SATB2: variants seen among roughly 807,000 people sequenced by gnomAD.
SATB2 encodes DNA-binding protein SATB2.
Under a neutral mutation model 73.4 loss-of-function variants are expected in SATB2, and 1 was observed. That is an observed-to-expected ratio of 0.01 (90% CI 0.00 to 0.06). The LOEUF (loss-of-function observed/expected upper bound fraction) is 0.06. Among genes scored for constraint, SATB2 ranks in the 10% least tolerant of loss-of-function variants. The pLI is 1.00. For synonymous variants in SATB2, 397 were observed against 367.0 expected, an observed-to-expected ratio of 1.08 and a Z score of -0.93; for missense variants, 459 against 945.8, an observed-to-expected ratio of 0.49 and a Z score of 6.75.
At chr2:199,273,288 G>A (rs1315997417) in intron 10 of SATB2, among the ~76,000 whole-genome samples, 1 of 152,126 alleles carries the variant, frequency 6.6e-6, no homozygotes, top group African/African-American at 2.4e-5. Flanking sequence ...CTGGAGGGTC[G>A]ATCTTTGCCA....
At position 199,381,918 on chromosome 2, in the gene SATB2, T is replaced by TC. The variant is rs1374127913; in HGVS notation, c.347-99dup. The TC allele has an allele frequency of 2.2e-6, 3 of 1,356,734 alleles. No homozygotes were observed. The African/African-American group carries it at 4.3e-5, about 20-fold the overall frequency. The allele number at this position is 1,356,734 out of a possible 1,614,324, so 84.0% of individuals were successfully genotyped here. On this transcript the variant is annotated intron_variant, in intron 3 of 10. Coordinates refer to ENST00000417098, the MANE Select transcript of SATB2 (RefSeq NM_001172509.2). ...TAAGAAGGTCATTCAATCATCAACA[T>TC]CCAAGGCCCACTCAGATATTTTACA... is the stretch of plus-strand genomic sequence containing the variant.
rs1263742614 is a variant in SATB2, at chr2:199,335,530, T to TG, written c.1174-6621dup. ...GTGCTACTATAAAACCTTCCTCCCATGATACAGTAAACTCCTTGGGGGCAG... is the reference window on the plus strand; with the variant it reads ...GTGCTACTATAAAACCTTCCTCCCATGGATACAGTAAACTCCTTGGGGGCAG... On this transcript the variant is annotated intron_variant, in intron 7 of 10. Transcript: ENST00000417098. 2.0e-5 allele frequency among the ~76,000 whole-genome samples: 3 copies of TG among 152,294 alleles called. No individual in the cohort carries two copies. The East Asian group carries it at 5.8e-4, about 29-fold the overall frequency.
intron 2 of SATB2, among the ~76,000 whole-genome samples, chr2:199,448,956 C>G (rs1462361603): frequency 3.9e-5 from 6 of 152,036 alleles, no homozygotes; most frequent in Admixed American, 3.9e-4. Flanking sequence ...AATATATTTC[C>G]CCAGAAGGTT....
intron 7 of SATB2, among the ~76,000 whole-genome samples, chr2:199,335,767 A>G (rs1688319649): frequency 6.6e-6 from 1 of 152,166 alleles, no homozygotes; most frequent in Non-Finnish European, 1.5e-5. Context: ...GATAACTGAA[A>G]CTGAAATTTT....
intron 3 of SATB2, among the ~76,000 whole-genome samples, chr2:199,401,310 G>A (rs1369877765): frequency 6.6e-6 from 1 of 152,094 alleles, no homozygotes; most frequent in Non-Finnish European, 1.5e-5. Flanking sequence ...CACTTTGGGA[G>A]GCCAAGGCAG....
At chr2:199,417,461 G>A (rs1443569850) in intron 3 of SATB2, among the ~76,000 whole-genome samples, 1 of 152,204 alleles carries the variant, frequency 6.6e-6, no homozygotes, top group Non-Finnish European at 1.5e-5. Flanking sequence ...AACTATTTCA[G>A]AGGAGGAATG....
intron 3 of SATB2, among the ~76,000 whole-genome samples, chr2:199,384,957 G>A (rs373903072): frequency 6.6e-6 from 1 of 152,070 alleles, no homozygotes; most frequent in Non-Finnish European, 1.5e-5. Flanking sequence ...GATTATATTA[G>A]CTTTCAGTCA....
At chr2:199,350,915 C>T (rs1474074910) in intron 6 of SATB2, among the ~76,000 whole-genome samples, 3 of 150,508 alleles carry the variant, frequency 2.0e-5, no homozygotes, top group Non-Finnish European at 4.4e-5. Context: ...CCCAGATATT[C>T]GGGACGCTGA....
At chr2:199,381,865 T>C in intron 3 of SATB2, 45 bp from the exon 4 acceptor site, 1 of 1,606,798 alleles carries the variant, frequency 6.2e-7, no homozygotes, top group Non-Finnish European at 8.5e-7. Flanking sequence ...CTGCTATTTA[T>C]TAAACCTTCC....
intron 1 of SATB2, among the ~76,000 whole-genome samples, 176 bp from the exon 2 acceptor site, chr2:199,456,272 C>CA (rs1228227086): frequency 6.6e-6 from 1 of 152,334 alleles, no homozygotes; most frequent in African/African-American, 2.4e-5. Context: ...CACTGGGCGG[C>CA]CCCCAGGAAG....
At chr2:199,422,127 C>A (rs1191855476) in intron 3 of SATB2, among the ~76,000 whole-genome samples, 2 of 152,036 alleles carry the variant, frequency 1.3e-5, no homozygotes, top group East Asian at 3.9e-4. Context: ...GGAAGTTATA[C>A]ATTATAATGT....
At chr2:199,333,725 T>C (rs1167839729) in intron 7 of SATB2, among the ~76,000 whole-genome samples, 1 of 152,200 alleles carries the variant, frequency 6.6e-6, no homozygotes, top group East Asian at 1.9e-4. Context: ...AATGAAGTGA[T>C]ATTAGATAAT....
At chr2:199,407,046 T>A (rs1423627178) in intron 3 of SATB2, among the ~76,000 whole-genome samples, 1 of 151,670 alleles carries the variant, frequency 6.6e-6, no homozygotes. Flanking sequence ...GTTGGCTGGG[T>A]GTGGCGGCTC....
intron 10 of SATB2, among the ~76,000 whole-genome samples, chr2:199,291,442 T>C (rs970358253): frequency 1.3e-5 from 2 of 152,234 alleles, no homozygotes; most frequent in African/African-American, 4.8e-5. Flanking sequence ...CATTTATACT[T>C]GCAGAAATCA....
At position 199,348,835 on chromosome 2, in the gene SATB2, T is replaced by C; in HGVS notation, c.1039A>G (p.Arg347Gly). ...QQFLNHPPIPRAVKPEPTNSS... is the reference protein window; with the variant it reads ...QQFLNHPPIPGAVKPEPTNSS... The stretch of plus-strand genomic sequence containing the variant: ...TTGGTTGGCTCTGGCTTAACTGCTC[T>C]GGGGATGGGTGGATGGTTCAGGAAC... The change falls in exon 7 of 11, where the codon AGA becomes GGA. Residue 347 changes from arginine (R) to glycine (G), a missense_variant. Physicochemically the swap from Arg to Gly is moderately radical, Grantham distance 125. Around this residue, in one of 13 missense-constraint regions of SATB2, gnomAD observed 35 missense variants for 55.3 expected, o/e 0.63. Transcript: ENST00000417098. 6.2e-7 allele frequency: 1 copy of C among 1,614,088 alleles called. No homozygotes were observed. The highest frequency in any genetic ancestry group is 8.5e-7 in the Non-Finnish European group (1 of 1,179,956).
chr2:199,433,153 T>C (rs950312509), intron 3 of SATB2, among the ~76,000 whole-genome samples, 185 bp downstream of exon 3: 1 of 152,250 alleles, frequency 6.6e-6, no homozygotes, highest in Non-Finnish European at 1.5e-5. Flanking sequence ...CCAGAAGTGC[T>C]GGTCAAATGC....
chr2:199,353,957 G>A (rs1306727107), intron 6 of SATB2, among the ~76,000 whole-genome samples: 1 of 152,196 alleles, frequency 6.6e-6, no homozygotes, highest in Non-Finnish European at 1.5e-5. Flanking sequence ...TGGAAAAAAT[G>A]AAGGGTAAAA....
intron 10 of SATB2, among the ~76,000 whole-genome samples, chr2:199,277,339 AT>A (rs937491907): frequency 2.6e-5 from 4 of 152,204 alleles, no homozygotes; most frequent in African/African-American, 9.7e-5. Context: ...ACTATAACAT[AT>A]TTCGATATAA....
At chr2:199,424,381 C>A (rs1403621192) in intron 3 of SATB2, among the ~76,000 whole-genome samples, 16 of 152,090 alleles carry the variant, frequency 1.1e-4, no homozygotes, top group Admixed American at 1.0e-3. Context: ...CTCTCAAAAC[C>A]ACCACCGAGC....
Sources: gnomAD v4.1 joint callset for allele counts (sites outside exome capture counted in the v4.1 genomes callset) on GRCh38, gnomAD v4.1.1 for gene constraint, gnomAD v4.1.1 regional missense constraint, MANE v1.5 for transcripts, NCBI Gene and HGNC (gene_info 2026-07-23, HGNC 2026-07-21) for gene names.